Variants in PCMTD1 observed in about 807,000 individuals in gnomAD.
PCMTD1 encodes the protein protein-L-isoaspartate O-methyltransferase domain-containing protein 1.
Under a neutral mutation model 37.6 loss-of-function variants are expected in PCMTD1, and 12 were observed. The observed-to-expected ratio is 0.32, with a 90% CI of 0.20 to 0.52. The LOEUF is 0.52. Ranked by LOEUF, PCMTD1 falls within the 20% of genes least tolerant of loss-of-function variation. The pLI is 0.97. For synonymous variants in PCMTD1, 117 were observed against 135.8 expected (o/e 0.86, Z 0.96); for missense variants, 235 against 421.3 (o/e 0.56, Z 3.87).
At chr8:51,889,211 G>A (rs571965131) in intron 1 of PCMTD1, among the ~76,000 whole-genome samples, 50 of 152,242 alleles carry the variant, frequency 3.3e-4, no homozygotes, top group African/African-American at 1.1e-3. Context: ...GGTTAGGTCC[G>A]TCACTTTCTA....
At chr8:51,872,696 A>G (rs1401208749) in intron 1 of PCMTD1, among the ~76,000 whole-genome samples, 1 of 152,234 alleles carries the variant, frequency 6.6e-6, no homozygotes, top group East Asian at 1.9e-4. Flanking sequence ...ATATTCGAAT[A>G]TAAGAATATT....
intron 3 of PCMTD1, chr8:51,839,704 C>T (rs1387333384): frequency 5.3e-6 from 4 of 761,640 alleles, no homozygotes; most frequent in African/African-American, 1.9e-5. Flanking sequence ...AATTTGCACA[C>T]CTAGTTTATC....
chr8:51,896,059 C>T (rs1379478713), intron 1 of PCMTD1: 3 of 151,344 alleles, frequency 2.0e-5, no homozygotes, highest in Non-Finnish European at 4.4e-5. Context: ...GACTCTCCTG[C>T]CTCAGCCTCC....
In PCMTD1 at chr8:51,850,105, T is replaced by C. The variant is rs537746881; in HGVS notation, c.308-4342A>G. The C allele has an allele frequency of 1.1e-4, 76 of 702,248 alleles. No individual in the cohort carries two copies. In the East Asian group the frequency reaches 2.0e-3, roughly 18 times the overall value. The allele number at this position is 702,248 out of a possible 1,614,324, so 43.5% of individuals were successfully genotyped here. ...CAAAATACTGGTGTGGTGAGAAAGA[T>C]AGTAGATTAAAGGTCAGATGTCTTG... On this transcript the variant is annotated intron_variant, in intron 2 of 5. Coordinates refer to ENST00000522514, the MANE Select transcript of PCMTD1 (RefSeq NM_052937.4).
chr8:51,888,616 T>C (rs1396182621), intron 1 of PCMTD1, among the ~76,000 whole-genome samples: 1 of 152,238 alleles, frequency 6.6e-6, no homozygotes, highest in African/African-American at 2.4e-5. Flanking sequence ...CATTGGCCAT[T>C]AACCTTTCTA....
chr8:51,823,863 C>T (rs931215316), intron 5 of PCMTD1, among the ~76,000 whole-genome samples: 1 of 152,186 alleles, frequency 6.6e-6, no homozygotes, highest in Non-Finnish European at 1.5e-5. Context: ...AAGTCTGCTT[C>T]ATCCCTGGGA....
chr8:51,858,929 A>G (rs954289515), intron 2 of PCMTD1, among the ~76,000 whole-genome samples: 1 of 152,220 alleles, frequency 6.6e-6, no homozygotes, highest in South Asian at 2.1e-4. Flanking sequence ...TTCATGATAC[A>G]ATAAGTTTGA....
chr8:51,863,693 G>C (rs191270581), intron 1 of PCMTD1, among the ~76,000 whole-genome samples: 1 of 152,272 alleles, frequency 6.6e-6, no homozygotes, highest in East Asian at 1.9e-4. Context: ...AGGTCGAGGC[G>C]GGCAGATCAC....
chr8:51,862,215 G>A (rs2038481893), intron 1 of PCMTD1, among the ~76,000 whole-genome samples: 1 of 152,122 alleles, frequency 6.6e-6, no homozygotes, highest in East Asian at 1.9e-4. Flanking sequence ...AACATAAAAT[G>A]CAAAATAAAC....
intron 1 of PCMTD1, among the ~76,000 whole-genome samples, chr8:51,898,475 C>G (rs71513562): frequency 1.3e-5 from 2 of 152,068 alleles, no homozygotes; most frequent in East Asian, 1.9e-4. Context: ...GCCTCCAAAA[C>G]CAAAACAGAA....
At chr8:51,845,601 G>C in intron 3 of PCMTD1, 60 bp downstream of exon 3, 2 of 1,167,786 alleles carry the variant, frequency 1.7e-6, no homozygotes, top group Non-Finnish European at 2.5e-6. Flanking sequence ...TTCAAGAATA[G>C]ACATGTTGCA....
chr8:51,842,571 C>T (rs1269277625), intron 3 of PCMTD1, among the ~76,000 whole-genome samples: 8 of 151,780 alleles, frequency 5.3e-5, no homozygotes, highest in South Asian at 2.1e-4. Flanking sequence ...GCAATCTGCC[C>T]GCCTTGGCCT....
chr8:51,886,031 G>A (rs1371726685), intron 1 of PCMTD1, among the ~76,000 whole-genome samples: 1 of 152,214 alleles, frequency 6.6e-6, no homozygotes, highest in Non-Finnish European at 1.5e-5. Flanking sequence ...CAAAGACTAT[G>A]TACAGTTTCT....
intron 2 of PCMTD1, among the ~76,000 whole-genome samples, chr8:51,857,340 G>T (rs975323492): frequency 6.6e-6 from 1 of 152,226 alleles, no homozygotes; most frequent in Non-Finnish European, 1.5e-5. Context: ...AAAGTCATTA[G>T]GTGGGATGAA....
At position 51,897,375 on chromosome 8, in the gene PCMTD1, C is replaced by CT. The variant is rs956164143; in HGVS notation, c.-96+1554dup. Among the ~76,000 whole-genome samples the CT allele has an allele frequency of 4.6e-5, 7 of 151,674 alleles. No individual in the cohort carries two copies. In the South Asian group the frequency reaches 8.3e-4, roughly 18 times the overall value. Reference sequence around the variant, plus strand: ...TTACCAAAATATTTAATCCCTGTTGCTTTTTTTTTCTTGTCTCAGGCTAGG... The same window carrying CT: ...TTACCAAAATATTTAATCCCTGTTGCTTTTTTTTTTCTTGTCTCAGGCTAGG... On this transcript the variant is annotated intron_variant, in intron 1 of 5. Coordinates refer to ENST00000522514, the MANE Select transcript of PCMTD1 (RefSeq NM_052937.4).
chr8:51,862,387 CA>C, intron 1 of PCMTD1, among the ~76,000 whole-genome samples: 1 of 152,178 alleles, frequency 6.6e-6, no homozygotes, highest in South Asian at 2.1e-4. Context: ...CACACACATA[CA>C]CTGAACTTCT....
chr8:51,865,778 C>T (rs1169496120), intron 1 of PCMTD1, among the ~76,000 whole-genome samples: 1 of 151,650 alleles, frequency 6.6e-6, no homozygotes, highest in Non-Finnish European at 1.5e-5. Flanking sequence ...CTATTCTTAA[C>T]TACTTCTATT....
chr8:51,860,625 G>A (rs1392684780), intron 2 of PCMTD1: 2 of 455,076 alleles, frequency 4.4e-6, no homozygotes, highest in Non-Finnish European at 7.8e-6. Flanking sequence ...ATGACTAACA[G>A]AGAACAGTTA....
intron 1 of PCMTD1, among the ~76,000 whole-genome samples, chr8:51,887,364 C>G (rs1213120194): frequency 1.3e-5 from 2 of 152,148 alleles, no homozygotes; most frequent in African/African-American, 2.4e-5. Context: ...AGCCCAAATC[C>G]ATCCCTTCTC....
Sources: allele counts gnomAD v4.1 joint callset (sites outside exome capture counted in the v4.1 genomes callset), GRCh38; gene constraint gnomAD v4.1.1; transcripts MANE v1.5; gene names NCBI Gene and HGNC (gene_info 2026-07-23, HGNC 2026-07-21).